Variants in RNLS observed in about 807,000 individuals in gnomAD.
RNLS encodes the protein renalase.
A neutral mutation model predicts 39.8 loss-of-function variants in RNLS; 39 were observed. The ratio of observed to expected loss-of-function variants is 0.98; its 90% CI spans 0.76 to 1.28. RNLS has a LOEUF of 1.28. RNLS is among the 50% of genes most tolerant of loss of function. The probability of loss-of-function intolerance (pLI) is 0.00; values close to 1 mark genes in which losing one functional copy is unlikely to be tolerated. For missense variants in RNLS, 410 were observed against 413.3 expected, an observed-to-expected ratio of 0.99 and a Z score of 0.07; for synonymous variants, 147 against 150.7, an observed-to-expected ratio of 0.98 and a Z score of 0.18.
intron 4 of RNLS, among the ~76,000 whole-genome samples, chr10:88,375,572 T>C (rs79426024): frequency 0.014 from 2,166 of 152,276 alleles, 80 homozygotes; most frequent in Admixed American, 0.08. Flanking sequence ...CCATTCCTAA[T>C]TGGAAACAAT....
At chr10:88,236,453 G>T in the RNLS span, among the ~76,000 whole-genome samples, 2 of 152,114 alleles carry the variant, frequency 1.3e-5, no homozygotes, top group Admixed American at 6.5e-5. Flanking sequence ...ATGAAAAGAG[G>T]TTCTTCAACC....
chr10:88,379,186 G>A (rs61260851), intron 4 of RNLS, among the ~76,000 whole-genome samples: 16,117 of 152,178 alleles, frequency 0.11, 1,056 homozygotes, highest in East Asian at 0.37. Context: ...GAATGTTGTT[G>A]TGTGGCACTT....
intron 5 of RNLS, among the ~76,000 whole-genome samples, chr10:88,320,638 G>T (rs1378448790): frequency 6.7e-6 from 1 of 149,224 alleles, no homozygotes; most frequent in East Asian, 1.9e-4. Flanking sequence ...AAAGAGTAAG[G>T]GTTGCTATTC....
At chr10:88,565,747 C>CTT (rs34655092) in intron 4 of RNLS, among the ~76,000 whole-genome samples, 58 of 98,002 alleles carry the variant, frequency 5.9e-4, no homozygotes, top group East Asian at 1.3e-3. Context: ...CGTTATCTTT[C>CTT]TTTTTTTTTT....
chr10:88,291,380 G>A (rs937232592), intron 6 of RNLS, among the ~76,000 whole-genome samples: 2 of 152,154 alleles, frequency 1.3e-5, no homozygotes, highest in African/African-American at 4.8e-5. Flanking sequence ...CATTTTCAAA[G>A]GAAGGTAAAT....
chr10:88,235,788 CAG>C, the RNLS span, among the ~76,000 whole-genome samples: 14 of 151,710 alleles, frequency 9.2e-5, no homozygotes, highest in African/African-American at 3.4e-4. Context: ...TATATATAGA[CAG>C]AGAGAGATAG....
At chr10:88,334,036 A>G (rs1192347309) in intron 5 of RNLS, among the ~76,000 whole-genome samples, 1 of 152,218 alleles carries the variant, frequency 6.6e-6, no homozygotes, top group Non-Finnish European at 1.5e-5. Context: ...AGCACAAACT[A>G]ATTGACTAAG....
At chr10:88,406,730 T>C (rs1407736260) in intron 4 of RNLS, among the ~76,000 whole-genome samples, 4 of 152,112 alleles carry the variant, frequency 2.6e-5, no homozygotes, top group Non-Finnish European at 5.9e-5. Context: ...AAAGAAGTCA[T>C]TATTCAAAGA....
At chr10:88,521,168 C>G (rs1293447328) in intron 4 of RNLS, among the ~76,000 whole-genome samples, 1 of 151,930 alleles carries the variant, frequency 6.6e-6, no homozygotes, top group Non-Finnish European at 1.5e-5. Flanking sequence ...GAAGCTTCTA[C>G]CATGATAAAA....
chr10:88,382,646 G>C (rs1009287933), intron 4 of RNLS, among the ~76,000 whole-genome samples: 1 of 152,094 alleles, frequency 6.6e-6, no homozygotes, highest in Non-Finnish European at 1.5e-5. Flanking sequence ...ACAGTTGCTT[G>C]AATAGTTGAG....
chr10:88,533,111 C>A (rs1245218186), intron 4 of RNLS, among the ~76,000 whole-genome samples: 1 of 152,054 alleles, frequency 6.6e-6, no homozygotes, highest in African/African-American at 2.4e-5. Flanking sequence ...ATTTCAATTA[C>A]AACCTAAATT....
chr10:88,468,992 G>A (rs762853816), intron 4 of RNLS, among the ~76,000 whole-genome samples: 5 of 152,012 alleles, frequency 3.3e-5, no homozygotes, highest in Non-Finnish European at 7.4e-5. Context: ...TCATGTTTTT[G>A]AAGAATATTT....
At chr10:88,311,501 C>A (rs1330219865) in intron 6 of RNLS, among the ~76,000 whole-genome samples, 1 of 152,168 alleles carries the variant, frequency 6.6e-6, no homozygotes, top group African/African-American at 2.4e-5. Flanking sequence ...TTTGTTTGAA[C>A]CACCTACTCA....
At chr10:88,555,653 T>C (rs1435849355) in intron 4 of RNLS, among the ~76,000 whole-genome samples, 2 of 152,144 alleles carry the variant, frequency 1.3e-5, no homozygotes, top group Admixed American at 6.5e-5. Flanking sequence ...TTCAAGTATT[T>C]CTTTACAGCA....
intron 4 of RNLS, among the ~76,000 whole-genome samples, chr10:88,432,620 A>T (rs1855202362): frequency 1.3e-5 from 2 of 151,674 alleles, no homozygotes; most frequent in African/African-American, 4.8e-5. Flanking sequence ...TTGTTGATTT[A>T]TGAGCTATAG....
intron 4 of RNLS, among the ~76,000 whole-genome samples, chr10:88,510,002 G>T (rs758489838): frequency 6.6e-6 from 1 of 152,100 alleles, no homozygotes; most frequent in Non-Finnish European, 1.5e-5. Flanking sequence ...AATGACCATT[G>T]TAAGTAATCC....
At chr10:88,535,253 C>A (rs1317107455) in intron 4 of RNLS, among the ~76,000 whole-genome samples, 1 of 151,990 alleles carries the variant, frequency 6.6e-6, no homozygotes, top group Non-Finnish European at 1.5e-5. Flanking sequence ...AACAATGGAA[C>A]AAACACAAGT....
the RNLS span, among the ~76,000 whole-genome samples, chr10:88,223,826 G>A: frequency 1.3e-5 from 2 of 152,084 alleles, no homozygotes; most frequent in Non-Finnish European, 2.9e-5. Flanking sequence ...ACACTCGAGA[G>A]CCCCAACTCT....
At chr10:88,360,279 G>A (rs1291591200) in intron 5 of RNLS, among the ~76,000 whole-genome samples, 1 of 152,160 alleles carries the variant, frequency 6.6e-6, no homozygotes, top group Non-Finnish European at 1.5e-5. Context: ...AGTTCCAGGA[G>A]TAGAACTGGA....
Sources: gnomAD v4.1 joint callset for allele counts (sites outside exome capture counted in the v4.1 genomes callset) on GRCh38, gnomAD v4.1.1 for gene constraint, MANE v1.5 for transcripts, NCBI Gene and HGNC (gene_info 2026-07-23, HGNC 2026-07-21) for gene names.